Variants in MOSPD2 observed in about 807,000 individuals in gnomAD.
MOSPD2 encodes the protein motile sperm domain containing 2.
Under a neutral mutation model 41.7 loss-of-function variants are expected in MOSPD2, and 5 were observed. That is an observed-to-expected ratio of 0.12 (90% CI 0.06 to 0.25). MOSPD2 has a LOEUF of 0.25. Among genes scored for constraint, MOSPD2 ranks in the 10% least tolerant of loss-of-function variants. MOSPD2 has a pLI of 1.00. For missense variants in MOSPD2, 282 were observed against 375.2 expected, an observed-to-expected ratio of 0.75 and a Z score of 2.05; for synonymous variants, 115 against 126.9, an observed-to-expected ratio of 0.91 and a Z score of 0.63.
intron 2 of MOSPD2, among the ~76,000 whole-genome samples, chrX:14,887,675 A>G (rs1490949552): frequency 9.1e-6 from 1 of 109,733 alleles, no homozygotes; most frequent in Non-Finnish European, 1.9e-5. Flanking sequence ...AGTAAGAGCT[A>G]TAGTTTCTTT....
chrX:14,916,130 A>C (rs992157220), intron 12 of MOSPD2, 67 bp from the exon 13 acceptor site: 49 of 1,193,727 alleles, frequency 4.1e-5, no homozygotes, highest in Non-Finnish European at 5.5e-5. Context: ...AATGCTTTAA[A>C]CCACATGCAT....
At chrX:14,911,547 AG>A (rs2092591753) in intron 9 of MOSPD2, 134 bp downstream of exon 9, 9 of 472,895 alleles carry the variant, frequency 1.9e-5, no homozygotes, top group Non-Finnish European at 2.8e-5. Flanking sequence ...AAAAAGAAAG[AG>A]GAAGGATGGG....
In MOSPD2 at chrX:14,915,729, G is replaced by A. The variant is rs1050358567; in HGVS notation, c.1151G>A (p.Gly384Asp). 1.7e-6 allele frequency: 2 copies of A among 1,207,872 alleles called. No individual in the cohort carries two copies. Among genetic ancestry groups the A allele is most frequent in the African/African-American group, 1.8e-5 (1 of 57,083 alleles). Residue 384 changes from glycine (G) to aspartate (D), a missense_variant, in exon 12 of 15, where the codon GGT (glycine) becomes GAT (aspartate). Physicochemically the swap from Gly to Asp is moderately conservative, Grantham distance 94. Around this residue, in one of 3 missense-constraint regions of MOSPD2, gnomAD observed 94 missense variants for 102.1 expected, o/e 0.92. Transcript: ENST00000380492. ...CCAAGCAATAGCAGCTGTGACCCGGGTGCATCAGTGGATATAGTTGTGTCT... is the reference window on the plus strand; with the variant it reads ...CCAAGCAATAGCAGCTGTGACCCGGATGCATCAGTGGATATAGTTGTGTCT... ...VKPSNSSCDP[G>D]ASVDIVVSPH...
In MOSPD2 at chrX:14,887,355, G is replaced by A. The variant is rs1389267299; in HGVS notation, c.80-5368G>A. Among the ~76,000 whole-genome samples the A allele has an allele frequency of 5.3e-5, 6 of 112,181 alleles. No homozygotes were observed. In the East Asian group the frequency reaches 1.4e-3, roughly 26 times the overall value. ...TTTCATAGTTAGCATTCTATCGTAT[G>A]TTGATGGAAAGTCATTTGTATAGTG... On this transcript the variant is annotated intron_variant, in intron 2 of 14. Coordinates refer to ENST00000380492, the MANE Select transcript of MOSPD2 (RefSeq NM_152581.4).
At position 14,882,807 on chromosome X, in the gene MOSPD2, C is replaced by CT. The variant is rs745639177; in HGVS notation, c.79+9063dup. Among the ~76,000 whole-genome samples the CT allele has an allele frequency of 7.0e-3, 690 of 98,139 alleles. 2 individuals carry two copies. Among genetic ancestry groups the CT allele is most frequent in the Middle Eastern group, 0.015 (3 of 194 alleles). 85.2% of individuals were successfully genotyped at this position (98,139 alleles called of 115,157 possible). A position where few individuals can be genotyped will look rare whatever the true frequency, so the allele number is the denominator to read the frequency against. ...TGAATGTTCTTGTTTTTTTCTTTTT[C>CT]TTTTTTTTTTTTTTACTCATCTCTT... On this transcript the variant is annotated intron_variant, in intron 2 of 14. Transcript: ENST00000380492.
intron 10 of MOSPD2, among the ~76,000 whole-genome samples, chrX:14,912,768 C>T (rs2092594030): frequency 8.9e-6 from 1 of 111,944 alleles, no homozygotes; most frequent in Admixed American, 9.5e-5. Flanking sequence ...GTGACTAAAG[C>T]CAAACTTCAG....
At chrX:14,915,559 A>T (rs189253415) in intron 11 of MOSPD2, 109 bp from the exon 12 acceptor site, 753 of 368,943 alleles carry the variant, frequency 2.0e-3, no homozygotes, top group Non-Finnish European at 2.7e-3. Context: ...TAATAAAAAT[A>T]AAAAAAATAA....
At chrX:14,917,334 G>A (rs2092602180) in intron 13 of MOSPD2, among the ~76,000 whole-genome samples, 1 of 111,931 alleles carries the variant, frequency 8.9e-6, no homozygotes, top group African/African-American at 3.2e-5. Context: ...AGTGTGCTTG[G>A]CCTTTGGGAG....
At chrX:14,915,378 A>G (rs901738750) in intron 11 of MOSPD2, 1 of 115,835 alleles carries the variant, frequency 8.6e-6, no homozygotes. Context: ...ATAATCGTCA[A>G]TGTTACTTTG....
chrX:14,886,498 TACATACACAC>T (rs199950495), intron 2 of MOSPD2, among the ~76,000 whole-genome samples: 5 of 107,052 alleles, frequency 4.7e-5, no homozygotes, highest in African/African-American at 1.0e-4. Context: ...AAAGGGTTGT[TACATACACAC>T]ACATACACAC....
chrX:14,904,641 A>C (rs1439652567), intron 7 of MOSPD2, among the ~76,000 whole-genome samples: 4 of 111,797 alleles, frequency 3.6e-5, no homozygotes, highest in African/African-American at 1.3e-4. Flanking sequence ...ATTACAGGGA[A>C]AGAATTTAGA....
Position 14,922,259 on chromosome X carries a change from A to G in MOSPD2, c.*2450A>G, listed in dbSNP as rs1011141450. On this transcript the variant is annotated 3_prime_UTR_variant, in exon 15 of 15. Transcript: ENST00000380492. Reference sequence around the variant, plus strand: ...GTATAAATTGATTGATTAAAAGAACATGTTTTCTATTTTAATATGTTTTAG... The same window carrying G: ...GTATAAATTGATTGATTAAAAGAACGTGTTTTCTATTTTAATATGTTTTAG... 8.9e-6 allele frequency: 1 copy of G among 111,929 alleles called. No homozygotes were observed. The highest frequency in any genetic ancestry group is 3.2e-5 in the African/African-American group (1 of 30,823). 9.2% of individuals were successfully genotyped at this position (111,929 alleles called of 1,213,427 possible). A position where few individuals can be genotyped will look rare whatever the true frequency, so the allele number is the denominator to read the frequency against.
chrX:14,908,689 A>G (rs1480450888), intron 7 of MOSPD2, among the ~76,000 whole-genome samples, 171 bp from the exon 8 acceptor site: 1 of 112,110 alleles, frequency 8.9e-6, no homozygotes, highest in African/African-American at 3.2e-5. Flanking sequence ...GAGAGCCACA[A>G]TGTAAACGCC....
Position 14,877,957 on chromosome X carries a change from G to A in MOSPD2, c.79+4199G>A, listed in dbSNP as rs760958879. On this transcript the variant is annotated intron_variant, in intron 2 of 14. Coordinates refer to ENST00000380492, the MANE Select transcript of MOSPD2 (RefSeq NM_152581.4). ...CACACCACTGCACTCCAGCCTGGGC[G>A]ACAGAGCAAGACTCCATCTCAAAAA... 1.3e-4 allele frequency among the ~76,000 whole-genome samples: 14 copies of A among 105,257 alleles called. No individual in the cohort carries two copies. In the South Asian group the frequency reaches 3.1e-3, roughly 23 times the overall value. 91.4% of individuals were successfully genotyped at this position (105,257 alleles called of 115,157 possible). A position where few individuals can be genotyped will look rare whatever the true frequency, so the allele number is the denominator to read the frequency against.
chrX:14,896,548 A>C (rs2092563497), intron 4 of MOSPD2, among the ~76,000 whole-genome samples: 2 of 111,678 alleles, frequency 1.8e-5, no homozygotes, highest in African/African-American at 6.5e-5. Flanking sequence ...TAAAATAGGA[A>C]AATGAAAGTG....
intron 2 of MOSPD2, among the ~76,000 whole-genome samples, chrX:14,877,850 G>T (rs2092524108): frequency 9.4e-6 from 1 of 106,729 alleles, no homozygotes; most frequent in South Asian, 4.2e-4. Context: ...GCGTGGTGGT[G>T]GGCACCTGTA....
At chrX:14,902,601 T>C (rs1283959559) in intron 6 of MOSPD2, among the ~76,000 whole-genome samples, 4 of 112,104 alleles carry the variant, frequency 3.6e-5, no homozygotes, top group Admixed American at 2.8e-4. Context: ...TCAGCACTAC[T>C]TTGACATGCC....
At chrX:14,911,872 G>A (rs1397945710) in intron 9 of MOSPD2, among the ~76,000 whole-genome samples, 1 of 112,269 alleles carries the variant, frequency 8.9e-6, no homozygotes, top group African/African-American at 3.2e-5. Flanking sequence ...GGGTGACAGA[G>A]TGAGACTTTG....
Position 14,899,880 on chromosome X carries a change from G to T in MOSPD2, c.478-695G>T, listed in dbSNP as rs886986004. On this transcript the variant is annotated intron_variant, in intron 5 of 14. Transcript: ENST00000380492. ...AATGACTCATGGAAATAACCTTAATGACCTAATTTCCTGTTGCTGTGCTCA... is the reference window on the plus strand; with the variant it reads ...AATGACTCATGGAAATAACCTTAATTACCTAATTTCCTGTTGCTGTGCTCA... Among the ~76,000 whole-genome samples, 3 of 110,590 alleles carry T rather than the reference G, an allele frequency of 2.7e-5. No individual in the cohort carries two copies. In the East Asian group the frequency reaches 8.5e-4, roughly 31 times the overall value.
Sources: allele counts gnomAD v4.1 joint callset (sites outside exome capture counted in the v4.1 genomes callset), GRCh38; gene constraint gnomAD v4.1.1; regional missense constraint gnomAD v4.1.1; transcripts MANE v1.5; gene names NCBI Gene and HGNC (gene_info 2026-07-23, HGNC 2026-07-21).